The following PRKCB variants were observed in gnomAD, a reference collection of about 807,000 sequenced individuals.
PRKCB encodes the protein protein kinase C beta.
In PRKCB, 13 loss-of-function variants were observed where a neutral mutation model predicts 81.5. The ratio of observed to expected loss-of-function variants is 0.16; its 90% CI spans 0.10 to 0.25. The LOEUF (loss-of-function observed/expected upper bound fraction) is 0.25. Ranked by LOEUF, PRKCB falls within the 10% of genes least tolerant of loss-of-function variation. The pLI, the probability that PRKCB is intolerant of heterozygous loss-of-function variation, is 1.00. For missense variants in PRKCB, 509 were observed against 875.7 expected (o/e 0.58, Z 5.29); for synonymous variants, 335 against 321.4 (o/e 1.04, Z -0.45).
At chr16:24,094,108 C>T in intron 6 of PRKCB, 55 bp from the exon 7 acceptor site, 1 of 1,575,542 alleles carries the variant, frequency 6.3e-7, no homozygotes, top group Non-Finnish European at 8.6e-7. Flanking sequence ...TACATTTATT[C>T]TGCTTGAGAA....
intron 2 of PRKCB, among the ~76,000 whole-genome samples, chr16:23,931,999 G>A (rs1410693311): frequency 6.6e-6 from 1 of 152,090 alleles, no homozygotes; most frequent in East Asian, 1.9e-4. Flanking sequence ...CTAATATGAT[G>A]CAAATAGAAG....
chr16:24,169,440 T>TG (rs1255985855), intron 10 of PRKCB, among the ~76,000 whole-genome samples: 15 of 152,158 alleles, frequency 9.9e-5, no homozygotes, highest in Non-Finnish European at 2.1e-4. Flanking sequence ...CCTTACATGA[T>TG]GCGTCCCTCA....
chr16:24,055,733 G>A (rs1260510663), intron 5 of PRKCB, among the ~76,000 whole-genome samples: 7 of 152,226 alleles, frequency 4.6e-5, no homozygotes, highest in Admixed American at 1.3e-4. Flanking sequence ...TATCCATAAA[G>A]AGCCAGCAGT....
chr16:24,049,816 C>T (rs1398878273), intron 5 of PRKCB, among the ~76,000 whole-genome samples: 3 of 152,338 alleles, frequency 2.0e-5, no homozygotes, highest in Admixed American at 6.5e-5. Context: ...AATCAACTTC[C>T]CACCTTAGCA....
At chr16:24,132,305 T>G (rs1966854472) in intron 9 of PRKCB, among the ~76,000 whole-genome samples, 3 of 152,184 alleles carry the variant, frequency 2.0e-5, no homozygotes. Flanking sequence ...GGAAGGGAAC[T>G]GGAAATAAGA....
chr16:23,895,008 T>C (rs185116901), intron 2 of PRKCB, among the ~76,000 whole-genome samples: 3 of 152,280 alleles, frequency 2.0e-5, no homozygotes, highest in Admixed American at 2.0e-4. Context: ...TTTTTAGAAG[T>C]TTGAGTGGAT....
chr16:23,974,591 G>C lies in PRKCB; in HGVS notation c.206-13917G>C, dbSNP rs539684975. On this transcript the variant is annotated intron_variant, in intron 2 of 16. Coordinates refer to ENST00000643927, the MANE Select transcript of PRKCB (RefSeq NM_002738.7). Reference sequence around the variant, plus strand: ...TAGGAGGCAGAGAACCCCTCGTCCTGGAAGAGTGCAGGGAGCTGCTTGGTG... The same window carrying C: ...TAGGAGGCAGAGAACCCCTCGTCCTCGAAGAGTGCAGGGAGCTGCTTGGTG... Among the ~76,000 whole-genome samples the C allele has an allele frequency of 1.3e-5, 2 of 152,360 alleles. 1 individual carries two copies. Among genetic ancestry groups the C allele is most frequent in the South Asian group, 4.1e-4 (2 of 4,830 alleles).
intron 15 of PRKCB, among the ~76,000 whole-genome samples, chr16:24,186,104 A>C (rs759370799): frequency 6.6e-6 from 1 of 152,218 alleles, no homozygotes; most frequent in African/African-American, 2.4e-5. Context: ...CAAATGGCTA[A>C]AAGGGCATGC....
chr16:24,054,323 A>T (rs1247286888), intron 5 of PRKCB, among the ~76,000 whole-genome samples: 1 of 152,186 alleles, frequency 6.6e-6, no homozygotes, highest in Admixed American at 6.5e-5. Flanking sequence ...TCCCAATGGT[A>T]GGCAATATCT....
chr16:24,189,183 G>T (rs1325685920), intron 15 of PRKCB, among the ~76,000 whole-genome samples: 1 of 152,096 alleles, frequency 6.6e-6, no homozygotes, highest in Non-Finnish European at 1.5e-5. Context: ...AGGCAGAGGT[G>T]GAGTCTGCAC....
At chr16:24,174,016 T>A (rs749458699) in intron 11 of PRKCB, among the ~76,000 whole-genome samples, 7 of 150,768 alleles carry the variant, frequency 4.6e-5, no homozygotes, top group Non-Finnish European at 7.4e-5. Context: ...CTCTCTTTTT[T>A]GGGGGGGTGG....
At chr16:23,989,705 G>A (rs1964853201) in intron 3 of PRKCB, among the ~76,000 whole-genome samples, 1 of 152,170 alleles carries the variant, frequency 6.6e-6, no homozygotes, top group Non-Finnish European at 1.5e-5. Context: ...TATGGCAAAA[G>A]TTTTGGTACA....
chr16:24,020,712 G>A lies in PRKCB; in HGVS notation c.289-11424G>A, dbSNP rs182434668. On this transcript the variant is annotated intron_variant, in intron 3 of 16. Coordinates refer to ENST00000643927, the MANE Select transcript of PRKCB (RefSeq NM_002738.7). ...CTGTTCTGAGGGTATTTCCAACTGG[G>A]ACCTTCAATTTAACCTTGCCTACCT... Among the ~76,000 whole-genome samples the A allele has an allele frequency of 3.7e-3, 556 of 152,280 alleles. 1 individual carries two copies. The highest frequency in any genetic ancestry group is 5.5e-3 in the Non-Finnish European group (377 of 68,014).
chr16:24,206,092 C>T (rs1234413666), intron 16 of PRKCB, among the ~76,000 whole-genome samples: 1 of 152,324 alleles, frequency 6.6e-6, no homozygotes, highest in South Asian at 2.1e-4. Context: ...TACTGACTTC[C>T]TCCCTAAATA....
intron 2 of PRKCB, among the ~76,000 whole-genome samples, chr16:23,988,285 A>C (rs1342463948): frequency 6.6e-6 from 1 of 152,202 alleles, no homozygotes; most frequent in African/African-American, 2.4e-5. Context: ...ACCCTAGCTA[A>C]CTTTAGAAGT....
intron 1 of PRKCB, among the ~76,000 whole-genome samples, chr16:23,836,580 C>T (rs891249413): frequency 4.6e-5 from 7 of 152,118 alleles, no homozygotes; most frequent in Non-Finnish European, 7.4e-5. Flanking sequence ...CCTGCCCTCT[C>T]CTGCTCTCAG....
intron 10 of PRKCB, among the ~76,000 whole-genome samples, chr16:24,162,441 A>ATTT (rs1567397400): frequency 8.3e-6 from 1 of 119,802 alleles, no homozygotes. Context: ...AACAGAGAAG[A>ATTT]CTTTTTTTTT....
chr16:24,099,411 C>T (rs1966477638), intron 7 of PRKCB: 1 of 152,132 alleles, frequency 6.6e-6, no homozygotes, highest in South Asian at 2.1e-4. Context: ...TATTCTGAGT[C>T]AATATAAGTG....
intron 5 of PRKCB, among the ~76,000 whole-genome samples, chr16:24,053,660 C>T (rs1286820915): frequency 6.6e-6 from 1 of 152,182 alleles, no homozygotes; most frequent in Non-Finnish European, 1.5e-5. Context: ...GAGATGGGGA[C>T]ATTGAGTAAA....
Sources: allele counts gnomAD v4.1 joint callset (sites outside exome capture counted in the v4.1 genomes callset), GRCh38; gene constraint gnomAD v4.1.1; transcripts MANE v1.5; gene names NCBI Gene and HGNC (gene_info 2026-07-23, HGNC 2026-07-21).